Variants in CDK13 observed in about 807,000 individuals in gnomAD.
The protein encoded by CDK13 is cyclin dependent kinase 13, also known as cyclin-dependent kinase 13.
A neutral mutation model predicts 137.6 loss-of-function variants in CDK13; 40 were observed. The ratio of observed to expected loss-of-function variants is 0.29; its 90% CI spans 0.23 to 0.38. The LOEUF (loss-of-function observed/expected upper bound fraction) is 0.38. CDK13 is among the 10% of genes least tolerant of loss of function. The pLI, the probability that CDK13 is intolerant of heterozygous loss-of-function variation, is 1.00. For synonymous variants in CDK13, 869 were observed against 760.1 expected, an observed-to-expected ratio of 1.14 and a Z score of -2.36; for missense variants, 1,704 against 1,951.8, an observed-to-expected ratio of 0.87 and a Z score of 2.39.
chr7:40,016,332 T>C (rs1054712078), intron 5 of CDK13, among the ~76,000 whole-genome samples: 4 of 152,216 alleles, frequency 2.6e-5, no homozygotes, highest in African/African-American at 9.7e-5. Flanking sequence ...AAGATCATTA[T>C]ACTTTTTGGG....
intron 5 of CDK13, among the ~76,000 whole-genome samples, chr7:40,012,292 A>G (rs1784912137): frequency 6.6e-6 from 1 of 152,180 alleles, no homozygotes; most frequent in African/African-American, 2.4e-5. Flanking sequence ...AAATTCTACT[A>G]CTGGATCTCC....
At chr7:39,976,809 G>A (rs180744443) in intron 1 of CDK13, among the ~76,000 whole-genome samples, 240 of 152,144 alleles carry the variant, frequency 1.6e-3, no homozygotes, top group African/African-American at 5.6e-3. Flanking sequence ...TTATTATACC[G>A]TACCTTGCAT....
At position 39,993,249 on chromosome 7, in the gene CDK13, G is replaced by A. The variant is rs139322936; in HGVS notation, c.1872-4245G>A. Among the ~76,000 whole-genome samples, 291 of 152,038 alleles carry A rather than the reference G, an allele frequency of 1.9e-3. 1 individual carries two copies. The highest frequency in any genetic ancestry group is 6.5e-3 in the African/African-American group (269 of 41,466). On this transcript the variant is annotated intron_variant, in intron 2 of 13. Coordinates refer to ENST00000181839, the MANE Select transcript of CDK13 (RefSeq NM_003718.5). The stretch of plus-strand genomic sequence containing the variant: ...TTTTAACATTAGCTGGCCTTGTTTT[G>A]TAAATACGTGTTTCCCCATATCCCA...
At chr7:39,961,875 G>C (rs1783747392) in intron 1 of CDK13, among the ~76,000 whole-genome samples, 1 of 152,070 alleles carries the variant, frequency 6.6e-6, no homozygotes, top group Non-Finnish European at 1.5e-5. Flanking sequence ...CTATGAGTGA[G>C]AACATGCGGT....
intron 2 of CDK13, among the ~76,000 whole-genome samples, chr7:39,994,422 CTTTCT>C (rs1784521723): frequency 6.6e-6 from 1 of 152,032 alleles, no homozygotes; most frequent in African/African-American, 2.4e-5. Flanking sequence ...TGTTTCTCTA[CTTTCT>C]TTTCTTTTAA....
intron 5 of CDK13, among the ~76,000 whole-genome samples, chr7:40,031,312 A>G (rs2150505011): frequency 6.6e-6 from 1 of 152,314 alleles, no homozygotes; most frequent in Non-Finnish European, 1.5e-5. Flanking sequence ...ACTTGAGGTC[A>G]GGAGTTCAAG....
At position 40,011,440 on chromosome 7, in the gene CDK13, G is replaced by A. The variant is rs550807426; in HGVS notation, c.2353+9409G>A. Among the ~76,000 whole-genome samples the A allele has an allele frequency of 5.9e-5, 9 of 152,230 alleles. No homozygotes were observed. The South Asian group carries it at 8.3e-4, about 14-fold the overall frequency. ...GTGTGGTACTGGCATTATGATAAAC[G>A]TATAGATCAATAATAGAATTGAGAG... On this transcript the variant is annotated intron_variant, in intron 5 of 13. Coordinates refer to ENST00000181839, the MANE Select transcript of CDK13 (RefSeq NM_003718.5).
At chr7:39,959,983 G>A (rs2116125349) in intron 1 of CDK13, among the ~76,000 whole-genome samples, 1 of 151,570 alleles carries the variant, frequency 6.6e-6, no homozygotes, top group Non-Finnish European at 1.5e-5. Flanking sequence ...GTTTTAAGTG[G>A]TAGTAGTTTC....
chr7:40,000,550 G>C (rs1190876163), intron 4 of CDK13, among the ~76,000 whole-genome samples: 1 of 152,074 alleles, frequency 6.6e-6, no homozygotes, highest in Non-Finnish European at 1.5e-5. Context: ...CTCAAAGAAA[G>C]AAACAAATAG....
At chr7:39,959,138 G>A (rs79509887) in intron 1 of CDK13, among the ~76,000 whole-genome samples, 584 of 51,186 alleles carry the variant, frequency 0.011, 1 homozygote, top group Non-Finnish European at 0.028. Flanking sequence ...TATTTAATAA[G>A]GTTTAATATA....
chr7:40,000,039 A>G (rs1025603863), intron 4 of CDK13, among the ~76,000 whole-genome samples: 1 of 152,220 alleles, frequency 6.6e-6, no homozygotes, highest in Non-Finnish European at 1.5e-5. Context: ...AATAATGCAT[A>G]GAGCTAGTAT....
At chr7:39,969,860 C>A (rs951149143) in intron 1 of CDK13, among the ~76,000 whole-genome samples, 2 of 152,034 alleles carry the variant, frequency 1.3e-5, no homozygotes, top group Non-Finnish European at 2.9e-5. Flanking sequence ...TGTTGTCTTA[C>A]TAAAGTTGTA....
intron 5 of CDK13, among the ~76,000 whole-genome samples, chr7:40,011,510 G>A (rs886382891): frequency 1.3e-5 from 2 of 152,108 alleles, no homozygotes; most frequent in South Asian, 2.1e-4. Context: ...ACTGATTTTC[G>A]ACAAGGTGGC....
chr7:40,022,858 C>CT (rs200053217), intron 5 of CDK13, among the ~76,000 whole-genome samples: 14,961 of 134,580 alleles, frequency 0.11, 1,059 homozygotes, highest in East Asian at 0.35. Flanking sequence ...TTTTCGTCTT[C>CT]TTTTTTTTTT....
intron 6 of CDK13, among the ~76,000 whole-genome samples, chr7:40,047,391 T>A (rs1785770972): frequency 6.6e-6 from 1 of 152,136 alleles, no homozygotes; most frequent in Non-Finnish European, 1.5e-5. Context: ...ACCTAGCCCC[T>A]CTAAAACTGG....
intron 12 of CDK13, among the ~76,000 whole-genome samples, chr7:40,089,721 AGAGTGTGTGTGTGT>A (rs1487951276): frequency 1.7e-4 from 22 of 126,828 alleles, no homozygotes; most frequent in African/African-American, 5.5e-4. Context: ...AGAGAGAGAG[AGAGTGTGTGTGTGT>A]GTGTGTGTGT....
At chr7:40,075,059 T>G (rs1786515630) in intron 9 of CDK13, among the ~76,000 whole-genome samples, 1 of 152,098 alleles carries the variant, frequency 6.6e-6, no homozygotes, top group Admixed American at 6.6e-5. Flanking sequence ...ATAATTCATG[T>G]GTAATAAAAT....
At chr7:39,965,676 A>G (rs1391892984) in intron 1 of CDK13, among the ~76,000 whole-genome samples, 2 of 152,068 alleles carry the variant, frequency 1.3e-5, no homozygotes, top group African/African-American at 4.8e-5. Context: ...TTAGCTGGTT[A>G]TTTTGCTCAT....
At chr7:39,960,070 T>C (rs1311879021) in intron 1 of CDK13, among the ~76,000 whole-genome samples, 1 of 107,136 alleles carries the variant, frequency 9.3e-6, no homozygotes, top group Non-Finnish European at 1.8e-5. Context: ...TTCTGTAAAG[T>C]TTTTTCTTTT....
Sources: allele counts gnomAD v4.1 joint callset (sites outside exome capture counted in the v4.1 genomes callset), GRCh38; gene constraint gnomAD v4.1.1; transcripts MANE v1.5; gene names NCBI Gene and HGNC (gene_info 2026-07-23, HGNC 2026-07-21).